Variants in ACAT2 observed in about 807,000 individuals in gnomAD.
ACAT2 encodes the protein acetyl-CoA acetyltransferase, cytosolic.
In ACAT2, 26 loss-of-function variants were observed where a neutral mutation model predicts 37.1. That is an observed-to-expected ratio of 0.70 (90% CI 0.51 to 0.97). The LOEUF is 0.97. Among genes scored for constraint, ACAT2 ranks in the 50% least tolerant of loss-of-function variants. ACAT2 has a pLI of 0.00. For missense variants in ACAT2, 468 were observed against 489.0 expected (o/e 0.96, Z 0.40); for synonymous variants, 156 against 163.6 (o/e 0.95, Z 0.35).
chr6:159,778,824 G>T lies in ACAT2; in HGVS notation c.1189G>T (p.Glu397Ter), dbSNP rs1780497961. 2 of 1,613,956 alleles carry T rather than the reference G, an allele frequency of 1.2e-6. No homozygotes were observed. Among genetic ancestry groups the T allele is most frequent in the South Asian group, 2.2e-5 (2 of 91,066 alleles). The change falls in exon 9 of 9, where the codon GAA becomes TAA. Residue 397 changes from glutamate to a stop codon, truncating the protein, a stop_gained. Coordinates refer to ENST00000367048, the MANE Select transcript of ACAT2 (RefSeq NM_005891.3). LOFTEE classifies it high-confidence loss of function. ...GGGAATAGCAATGTGTGTTCAGAGA[G>T]AATGAATTGCTTAAACTTTGAACAA... is the stretch of plus-strand genomic sequence containing the variant. ...GMGIAMCVQRE is the reference protein window; with the variant it reads ...GMGIAMCVQR
At chr6:159,770,303 GA>G (rs963694070) in intron 4 of ACAT2, among the ~76,000 whole-genome samples, 3 of 152,006 alleles carry the variant, frequency 2.0e-5, no homozygotes, top group Non-Finnish European at 4.4e-5. Flanking sequence ...AACCAGGGTG[GA>G]AAAAAACCAC....
chr6:159,778,641 T>A lies in ACAT2; in HGVS notation c.1024-18T>A. On this transcript the variant is annotated intron_variant, in intron 8 of 8. Coordinates refer to ENST00000367048, the MANE Select transcript of ACAT2 (RefSeq NM_005891.3). ...TCCACAGAAGAATAAACAATCTAAA[T>A]CTTTTCTCCCCCGTTAGGTCAATAT... The A allele has an allele frequency of 6.2e-7, 1 of 1,611,812 alleles. No homozygotes were observed. Among genetic ancestry groups the A allele is most frequent in the Non-Finnish European group, 8.5e-7 (1 of 1,178,338 alleles).
At position 159,762,125 on chromosome 6, in the gene ACAT2, C is replaced by T. The variant is rs764429351; in HGVS notation, c.38C>T (p.Ala13Val). ...TCAGATCCTGTGGTCATCGTCTCGG[C>T]GGCGCGGACCATCATAGGTGAGTGG... is the stretch of plus-strand genomic sequence containing the variant. The part of the protein sequence containing the change: ...AGSDPVVIVS[A>V]ARTIIGSFNG... Residue 13 changes from alanine to valine, a missense_variant, in exon 1 of 9, where the codon GCG (alanine) becomes GTG (valine). By Grantham distance (64) the Ala-to-Val change is moderately conservative. Coordinates refer to ENST00000367048, the MANE Select transcript of ACAT2 (RefSeq NM_005891.3). 2 of 1,611,976 alleles carry T rather than the reference C, an allele frequency of 1.2e-6. No individual in the cohort carries two copies. The highest frequency in any genetic ancestry group is 1.7e-6 in the Non-Finnish European group (2 of 1,179,140).
At chr6:159,778,570 C>G in intron 8 of ACAT2, 89 bp from the exon 9 acceptor site, 2 of 1,409,464 alleles carry the variant, frequency 1.4e-6, no homozygotes, top group Non-Finnish European at 2.0e-6. Flanking sequence ...GGGTAGCATG[C>G]TGATACATTA....
intron 2 of ACAT2, 126 bp from the exon 3 acceptor site, chr6:159,766,879 C>A: frequency 8.9e-7 from 1 of 1,121,628 alleles, no homozygotes; most frequent in Non-Finnish European, 1.3e-6. Flanking sequence ...CTCCAGTGGG[C>A]ACTTACTTGA....
Position 159,779,019 on chromosome 6 carries a change from T to C in ACAT2, c.*190T>C, listed in dbSNP as rs753812635. 1.9e-6 allele frequency: 3 copies of C among 1,601,492 alleles called. No homozygotes were observed. The highest frequency in any genetic ancestry group is 2.2e-5 in the East Asian group (1 of 44,718). ...AGGTACAAGACAATTGCATTTAACA[T>C]TGTTATAAATAAAAGGAACATCAGA... is the stretch of plus-strand genomic sequence containing the variant. On this transcript the variant is annotated 3_prime_UTR_variant, in exon 9 of 9. Coordinates refer to ENST00000367048, the MANE Select transcript of ACAT2 (RefSeq NM_005891.3).
intron 3 of ACAT2, among the ~76,000 whole-genome samples, chr6:159,767,710 A>G (rs1382109055): frequency 6.6e-6 from 1 of 152,206 alleles, no homozygotes; most frequent in East Asian, 1.9e-4. Context: ...TTGAAAGAAA[A>G]ACTATACCCC....
chr6:159,763,727 T>C (rs1780203351), intron 2 of ACAT2, among the ~76,000 whole-genome samples: 1 of 135,908 alleles, frequency 7.4e-6, no homozygotes, highest in East Asian at 2.4e-4. Flanking sequence ...GCAAGCTCCG[T>C]CTCCCGGTTT....
chr6:159,778,254 A>T lies in ACAT2; in HGVS notation c.997A>T (p.Lys333Ter). The change falls in exon 8 of 9, where the codon AAA becomes TAA. Residue 333 changes from lysine to a stop codon, truncating the protein, a stop_gained. Coordinates refer to ENST00000367048, the MANE Select transcript of ACAT2 (RefSeq NM_005891.3). LOFTEE classifies it high-confidence loss of function. ...TGCAGCTGTCTCTGCTGCAATAGTT[A>T]AAGAACTTGGATTAAACCCAGAGAA... ...AFAAVSAAIV[K>*]ELGLNPEKVN... is the part of the protein sequence containing the mutation. 6.2e-7 allele frequency: 1 copy of T among 1,611,068 alleles called. No homozygotes were observed. Among genetic ancestry groups the T allele is most frequent in the South Asian group, 1.1e-5 (1 of 90,802 alleles).
intron 2 of ACAT2, 107 bp downstream of exon 2, chr6:159,763,160 G>A (rs887917955): frequency 6.9e-7 from 1 of 1,444,518 alleles, no homozygotes; most frequent in Non-Finnish European, 9.2e-7. Flanking sequence ...ACTCACTCAA[G>A]TTCTTGCCTC....
chr6:159,772,387 G>T (rs758995919), intron 4 of ACAT2, among the ~76,000 whole-genome samples: 11 of 152,164 alleles, frequency 7.2e-5, no homozygotes, highest in Non-Finnish European at 1.3e-4. Context: ...TTGGCATAAG[G>T]ACAGAGAAAG....
At chr6:159,765,683 C>A (rs199714430) in intron 2 of ACAT2, among the ~76,000 whole-genome samples, 4 of 9,706 alleles carry the variant, frequency 4.1e-4, no homozygotes, top group East Asian at 1.1e-3. Flanking sequence ...GCGCCCCCCT[C>A]CCCCGGCCTC....
At chr6:159,776,110 C>T in intron 5 of ACAT2, 40 bp from the exon 6 acceptor site, 1 of 1,605,876 alleles carries the variant, frequency 6.2e-7, no homozygotes, top group Non-Finnish European at 8.5e-7. Context: ...TTACTTCTGT[C>T]TCTGGACTAA....
intron 7 of ACAT2, 40 bp downstream of exon 7, chr6:159,777,496 C>A (rs1562480210): frequency 1.3e-6 from 2 of 1,583,462 alleles, no homozygotes; most frequent in South Asian, 1.2e-5. Flanking sequence ...ATTTGTCTTC[C>A]TGTTAGCCTT....
Position 159,768,609 on chromosome 6 carries a change from C to G in ACAT2, c.471C>G (p.Asn157Lys). Reference sequence around the variant, plus strand: ...ATGGTCTTACAGATGCATTTCACAACTGTCATATGGGTATTACAGGTAAGG... The same window carrying G: ...ATGGTCTTACAGATGCATTTCACAAGTGTCATATGGGTATTACAGGTAAGG... ...LCDGLTDAFHNCHMGITAENV... is the reference protein window; with the variant it reads ...LCDGLTDAFHKCHMGITAENV... Residue 157 changes from asparagine (N) to lysine (K), a missense_variant, in exon 4 of 9, where the codon AAC becomes AAG. Coordinates refer to ENST00000367048, the MANE Select transcript of ACAT2 (RefSeq NM_005891.3). 1 of 1,610,804 alleles carries G rather than the reference C, an allele frequency of 6.2e-7. No individual in the cohort carries two copies. Among genetic ancestry groups the G allele is most frequent in the African/African-American group, 1.3e-5 (1 of 74,972 alleles).
rs116747985 is a variant in ACAT2 at position 159,778,062 on chromosome 6, G to C, written c.913-108G>C. 1.9e-3 allele frequency: 1,335 copies of C among 709,740 alleles called. 14 individuals are homozygous for C. In the African/African-American group the frequency reaches 0.022, roughly 12 times the overall value. 44.0% of individuals were successfully genotyped at this position (709,740 alleles called of 1,614,324 possible). The stretch of plus-strand genomic sequence containing the variant: ...TGTATTAACCTAAGAACAAACCAAA[G>C]TAGCAGTTACCAGTATCATGCAGCA... On this transcript the variant is annotated intron_variant, in intron 7 of 8. Coordinates refer to ENST00000367048, the MANE Select transcript of ACAT2 (RefSeq NM_005891.3).
chr6:159,771,315 G>T (rs777028048), intron 4 of ACAT2, among the ~76,000 whole-genome samples: 2 of 152,168 alleles, frequency 1.3e-5, no homozygotes, highest in Non-Finnish European at 2.9e-5. Flanking sequence ...GGGAGGCGGA[G>T]GTTGCGTTGA....
chr6:159,777,284 G>A lies in ACAT2; in HGVS notation c.758-18G>A, dbSNP rs1450769038. 2.5e-6 allele frequency: 4 copies of A among 1,606,348 alleles called. No homozygotes were observed. Among genetic ancestry groups the A allele is most frequent in the Non-Finnish European group, 3.4e-6 (4 of 1,176,856 alleles). ...GGTTAATAAGCATGGTAGAAATTAA[G>A]TCACTCATATTTTACAGGAATAAAT... On this transcript the variant is annotated intron_variant, in intron 6 of 8. Transcript: ENST00000367048.
chr6:159,762,413 AT>A, intron 1 of ACAT2: 1 of 1,369,664 alleles, frequency 7.3e-7, no homozygotes, highest in Non-Finnish European at 9.4e-7. Context: ...TGCCTCTCCC[AT>A]TGGTTGGCGT....
Sources: allele counts gnomAD v4.1 joint callset (sites outside exome capture counted in the v4.1 genomes callset), GRCh38; gene constraint gnomAD v4.1.1; transcripts MANE v1.5; gene names NCBI Gene and HGNC (gene_info 2026-07-23, HGNC 2026-07-21).